The following SH3BP5L variants were observed in gnomAD, a reference collection of about 807,000 sequenced individuals.
SH3BP5L encodes the protein SH3 domain-binding protein 5-like.
In SH3BP5L, 16 loss-of-function variants were observed where a neutral mutation model predicts 40.9. The ratio of observed to expected loss-of-function variants is 0.39; its 90% CI spans 0.27 to 0.59. SH3BP5L has a LOEUF of 0.59. SH3BP5L is among the 20% of genes least tolerant of loss of function. The pLI, the probability that SH3BP5L is intolerant of heterozygous loss-of-function variation, is 0.53. For missense variants in SH3BP5L, 471 were observed against 544.6 expected, an observed-to-expected ratio of 0.86 and a Z score of 1.35; for synonymous variants, 229 against 226.7, an observed-to-expected ratio of 1.01 and a Z score of -0.09.
intron 2 of SH3BP5L, among the ~76,000 whole-genome samples, chr1:248,823,809 A>G (rs1353797050): frequency 6.6e-6 from 1 of 152,242 alleles, no homozygotes; most frequent in Non-Finnish European, 1.5e-5. Context: ...CCTACAGAAG[A>G]GTCACTTCCA....
intron 2 of SH3BP5L, 49 bp downstream of exon 2, chr1:248,824,704 G>A (rs1296413598): frequency 1.3e-6 from 2 of 1,597,398 alleles, no homozygotes; most frequent in African/African-American, 1.3e-5. Context: ...ACTCTTCAGG[G>A]AGGCTGGAAT....
chr1:248,819,398 TA>T (rs778474005), intron 2 of SH3BP5L, among the ~76,000 whole-genome samples: 3,088 of 134,428 alleles, frequency 0.023, 69 homozygotes, highest in African/African-American at 0.062. Context: ...CTGATGAGCT[TA>T]AAAAAAAAAA....
Position 248,812,066 on chromosome 1 carries a change from C to A in SH3BP5L, c.1016G>T (p.Arg339Leu). The A allele has an allele frequency of 1.2e-6, 2 of 1,613,002 alleles. No homozygotes were observed. Among genetic ancestry groups the A allele is most frequent in the Non-Finnish European group, 8.5e-7 (1 of 1,179,630 alleles). ...DTDTLSLLSLRTVASDLQKCD... is the reference protein window; with the variant it reads ...DTDTLSLLSLLTVASDLQKCD... ...CTTCTGCAGGTCTGAAGCCACCGTGCGCAGGCTCAGCAGACTCAGGGTATC... is the reference window on the plus strand; with the variant it reads ...CTTCTGCAGGTCTGAAGCCACCGTGAGCAGGCTCAGCAGACTCAGGGTATC... Residue 339 changes from arginine to leucine, a missense_variant, in exon 7 of 7, where the codon CGC becomes CTC. By Grantham distance (102) the Arg-to-Leu change is moderately radical. Transcript: ENST00000366472. This position sits in a 1 kb window ranked among gnomAD's most constrained non-coding sequence, Gnocchi z 6.1.
intron 2 of SH3BP5L, among the ~76,000 whole-genome samples, chr1:248,818,132 G>A (rs1330117051): frequency 1.3e-5 from 2 of 152,172 alleles, no homozygotes; most frequent in African/African-American, 4.8e-5. Context: ...CAGATCACTT[G>A]AGGCCAGGAG....
chr1:248,817,636 T>C (rs530746991), intron 2 of SH3BP5L, among the ~76,000 whole-genome samples: 2 of 152,220 alleles, frequency 1.3e-5, no homozygotes, highest in South Asian at 2.1e-4. Context: ...GCAGATCACC[T>C]GAGGTCAGGA....
intron 2 of SH3BP5L, chr1:248,817,119 A>C: frequency 7.3e-7 from 1 of 1,372,706 alleles, no homozygotes; most frequent in Non-Finnish European, 9.9e-7. Flanking sequence ...GGGTAGTAAA[A>C]CCCCAGTTTC....
At chr1:248,817,076 T>G (rs1558228803) in intron 2 of SH3BP5L, 192 bp from the exon 3 acceptor site, 2 of 1,524,774 alleles carry the variant, frequency 1.3e-6, no homozygotes, top group African/African-American at 2.7e-5. Context: ...ATACATACAA[T>G]CTCACGTAAT....
chr1:248,815,580 G>C (rs1244167626), intron 4 of SH3BP5L, among the ~76,000 whole-genome samples: 2 of 152,170 alleles, frequency 1.3e-5, no homozygotes, highest in African/African-American at 4.8e-5. Context: ...TCCCCTGTAA[G>C]TGTGCCTTTC....
chr1:248,814,140 T>TA (rs1000285507), intron 5 of SH3BP5L: 6 of 389,656 alleles, frequency 1.5e-5, no homozygotes, highest in Admixed American at 4.2e-5. Context: ...GTCACACAGC[T>TA]AAACATAATA....
chr1:248,811,892 C>T lies in SH3BP5L; in HGVS notation c.*8G>A. ...GGCAGATTCAAGCCAGGAACCCTGG[C>T]CCCTCGGCTACAGGCTGACGCTGCG... On this transcript the variant is annotated 3_prime_UTR_variant, in exon 7 of 7. Transcript: ENST00000366472. 2.7e-6 allele frequency: 4 copies of T among 1,504,454 alleles called. No homozygotes were observed. The highest frequency in any genetic ancestry group is 2.7e-6 in the Non-Finnish European group (3 of 1,121,428). The allele number at this position is 1,504,454 out of a possible 1,614,324, so 93.2% of individuals were successfully genotyped here. A position where few individuals can be genotyped will look rare whatever the true frequency, so the allele number is the denominator to read the frequency against.
chr1:248,817,741 T>C (rs924032355), intron 2 of SH3BP5L, among the ~76,000 whole-genome samples: 1 of 152,088 alleles, frequency 6.6e-6, no homozygotes, highest in African/African-American at 2.4e-5. Context: ...TAGTCCCAGC[T>C]ACTTGGGAGG....
In SH3BP5L at chr1:248,813,534, G is replaced by T. The variant is rs561304012; in HGVS notation, c.538-372C>A. 608 of 218,326 alleles carry T rather than the reference G, an allele frequency of 2.8e-3. 12 individuals are homozygous for T. The highest frequency in any genetic ancestry group is 0.015 in the Middle Eastern group (10 of 654). The allele number at this position is 218,326 out of a possible 1,614,324, so 13.5% of individuals were successfully genotyped here. A position where few individuals can be genotyped will look rare whatever the true frequency, so the allele number is the denominator to read the frequency against. ...ACTTGAGAGCATCAGGGGAATGTCT[G>T]TCAGCACATCACACATCTGCAGCAG... On this transcript the variant is annotated intron_variant, in intron 5 of 6. Transcript: ENST00000366472.
Position 248,825,881 on chromosome 1 carries a change from T to TGCCCCCCC in SH3BP5L, c.-479_-478insGGGGGGGC. The stretch of plus-strand genomic sequence containing the variant: ...CGGAGCTTCTATGCTGCAAACAATC[T>TGCCCCCCC]CCCCCCCTCCCTCCCCGCAACAAGC... On this transcript the variant is annotated 5_prime_UTR_variant, in exon 1 of 7. Coordinates refer to ENST00000366472, the MANE Select transcript of SH3BP5L (RefSeq NM_030645.3). 1.3e-5 allele frequency: 12 copies of TGCCCCCCC among 941,870 alleles called. No individual in the cohort carries two copies. Among genetic ancestry groups the TGCCCCCCC allele is most frequent in the Non-Finnish European group, 1.5e-5 (12 of 794,218 alleles). 58.3% of individuals were successfully genotyped at this position (941,870 alleles called of 1,614,324 possible).
In SH3BP5L at chr1:248,825,182, C is replaced by T. The variant is rs1664345772; in HGVS notation, c.-247G>A. 1 of 1,266,384 alleles carries T rather than the reference C, an allele frequency of 7.9e-7. No individual in the cohort carries two copies. The allele number at this position is 1,266,384 out of a possible 1,614,324, so 78.4% of individuals were successfully genotyped here. Reference sequence around the variant, plus strand: ...TCTTCCCTTCCCGCCACAGGGAGTCCACTGTGACAAACCCGGAGCAACAGC... The same window carrying T: ...TCTTCCCTTCCCGCCACAGGGAGTCTACTGTGACAAACCCGGAGCAACAGC... On this transcript the variant is annotated 5_prime_UTR_variant, in exon 2 of 7. Coordinates refer to ENST00000366472, the MANE Select transcript of SH3BP5L (RefSeq NM_030645.3).
chr1:248,812,418 C>T lies in SH3BP5L; in HGVS notation c.712-48G>A, dbSNP rs1663973060. Reference sequence around the variant, plus strand: ...AGGCGACCCATGGGGCACGTCTCCACCTTCCTCAGCACTCTGCACTGAGGT... The same window carrying T: ...AGGCGACCCATGGGGCACGTCTCCATCTTCCTCAGCACTCTGCACTGAGGT... On this transcript the variant is annotated intron_variant, in intron 6 of 6. Coordinates refer to ENST00000366472, the MANE Select transcript of SH3BP5L (RefSeq NM_030645.3). This position sits in a 1 kb window ranked among gnomAD's most constrained non-coding sequence, Gnocchi z 6.1. 6.9e-7 allele frequency: 1 copy of T among 1,452,242 alleles called. No individual in the cohort carries two copies. Among genetic ancestry groups the T allele is most frequent in the Non-Finnish European group, 9.5e-7 (1 of 1,051,870 alleles). The allele number at this position is 1,452,242 out of a possible 1,614,324, so 90.0% of individuals were successfully genotyped here. A position where few individuals can be genotyped will look rare whatever the true frequency, so the allele number is the denominator to read the frequency against.
intron 2 of SH3BP5L, among the ~76,000 whole-genome samples, chr1:248,818,067 G>A (rs1404215814): frequency 6.6e-6 from 1 of 151,182 alleles, no homozygotes; most frequent in Admixed American, 6.6e-5. Context: ...TGGAGGCTGG[G>A]ACAGGCATGG....
Position 248,814,587 on chromosome 1 carries a change from T to C in SH3BP5L, c.399A>G (p.Ala133=), listed in dbSNP as rs763600672. 6.4e-5 allele frequency: 104 copies of C among 1,614,094 alleles called. No individual in the cohort carries two copies. The highest frequency in any genetic ancestry group is 8.6e-5 in the Non-Finnish European group (101 of 1,180,050). ...AKEAQQETQK[A]ALRYERAVSM... is the part of the protein sequence containing the mutation. ...TTACGGCCCGCTCGTACCGCAGCGC[T>C]GCCTTCTGTGTCTCCTGCTGAGCCT... is the stretch of plus-strand genomic sequence containing the variant. Residue 133 remains alanine (A), a synonymous_variant, in exon 5 of 7, where the codon GCA becomes GCG. Coordinates refer to ENST00000366472, the MANE Select transcript of SH3BP5L (RefSeq NM_030645.3).
At chr1:248,822,403 G>A (rs1012946086) in intron 2 of SH3BP5L, among the ~76,000 whole-genome samples, 5 of 152,186 alleles carry the variant, frequency 3.3e-5, no homozygotes, top group African/African-American at 1.2e-4. Context: ...CCACACCTGT[G>A]TCATCAAATG....
chr1:248,811,816 G>T lies in SH3BP5L; in HGVS notation c.*84C>A. On this transcript the variant is annotated 3_prime_UTR_variant, in exon 7 of 7. Coordinates refer to ENST00000366472, the MANE Select transcript of SH3BP5L (RefSeq NM_030645.3). ...AGAAGGGGACCTTCGGGAAGACGAG[G>T]CCCCAGAGGAGAGGGCGTGAGAAGA... The T allele has an allele frequency of 9.8e-7, 1 of 1,024,952 alleles. No individual in the cohort carries two copies. Among genetic ancestry groups the T allele is most frequent in the Non-Finnish European group, 1.4e-6 (1 of 723,664 alleles). The allele number at this position is 1,024,952 out of a possible 1,614,324, so 63.5% of individuals were successfully genotyped here. A position where few individuals can be genotyped will look rare whatever the true frequency, so the allele number is the denominator to read the frequency against.
Sources: allele counts gnomAD v4.1 joint callset (sites outside exome capture counted in the v4.1 genomes callset), GRCh38; gene constraint gnomAD v4.1.1; non-coding constraint Gnocchi (gnomAD v3.1); transcripts MANE v1.5; gene names NCBI Gene and HGNC (gene_info 2026-07-23, HGNC 2026-07-21).